The following SUPT16H variants were observed in gnomAD, a reference collection of about 807,000 sequenced individuals.
SUPT16H encodes the protein SPT16 homolog, facilitates chromatin remodeling subunit.
Under a neutral mutation model 136.2 loss-of-function variants are expected in SUPT16H, and 24 were observed. The observed-to-expected ratio is 0.18, with a 90% confidence interval of 0.13 to 0.25. SUPT16H has a LOEUF of 0.25. Ranked by LOEUF, SUPT16H falls within the 10% of genes least tolerant of loss-of-function variation. The probability of loss-of-function intolerance (pLI) is 1.00; values close to 1 mark genes in which losing one functional copy is unlikely to be tolerated. For missense variants in SUPT16H, 623 were observed against 1,270.2 expected (o/e 0.49, Z 7.74); for synonymous variants, 415 against 428.2 (o/e 0.97, Z 0.38).
chr14:21,383,727 T>A, intron 1 of SUPT16H, 135 bp downstream of exon 1: 1 of 990,866 alleles, frequency 1.0e-6, no homozygotes, highest in Non-Finnish European at 1.6e-6. Flanking sequence ...CGGTGAATGA[T>A]TCGGGAGCAA....
intron 19 of SUPT16H, 46 bp from the exon 20 acceptor site, chr14:21,358,473 A>G: frequency 2.2e-6 from 3 of 1,374,190 alleles, no homozygotes; most frequent in Non-Finnish European, 3.1e-6. Context: ...ATTTGTTAAC[A>G]GTACCTCCCC....
chr14:21,354,052 T>G (rs990048177), intron 23 of SUPT16H, among the ~76,000 whole-genome samples: 1 of 152,248 alleles, frequency 6.6e-6, no homozygotes, highest in East Asian at 1.9e-4. Context: ...AAAATTCACG[T>G]TAGCCTTCCT....
intron 1 of SUPT16H, among the ~76,000 whole-genome samples, chr14:21,382,367 G>C (rs576847367): frequency 6.6e-6 from 1 of 152,300 alleles, no homozygotes; most frequent in East Asian, 1.9e-4. Flanking sequence ...TGGTGGGTGG[G>C]AAATAACTTT....
intron 1 of SUPT16H, among the ~76,000 whole-genome samples, chr14:21,380,229 A>G (rs1320717266): frequency 6.6e-6 from 1 of 150,954 alleles, no homozygotes; most frequent in Non-Finnish European, 1.5e-5. Context: ...AGACTTGAGC[A>G]TCCTTTGATT....
At chr14:21,352,910 T>C (rs1440055335) in intron 25 of SUPT16H, 92 bp from the exon 26 acceptor site, 2 of 1,542,010 alleles carry the variant, frequency 1.3e-6, no homozygotes, top group Admixed American at 1.8e-5. Flanking sequence ...GAATACACTT[T>C]GGAATCAGAC....
Position 21,373,036 on chromosome 14 carries a change from T to C in SUPT16H, c.159+302A>G, listed in dbSNP as rs569445003. On this transcript the variant is annotated intron_variant, in intron 2 of 25. Transcript: ENST00000216297. The stretch of plus-strand genomic sequence containing the variant: ...TTGGCTTACTGCAACCTCTACCTCC[T>C]GGGGTCATGCCATCCTCCCATCTCA... Among the ~76,000 whole-genome samples, 4 of 152,258 alleles carry C rather than the reference T, an allele frequency of 2.6e-5. No homozygotes were observed. In the South Asian group the frequency reaches 8.3e-4, roughly 32 times the overall value.
chr14:21,362,223 G>A lies in SUPT16H; in HGVS notation c.1767C>T (p.Asn589=), dbSNP rs1407966985. The A allele has an allele frequency of 1.2e-6, 2 of 1,612,326 alleles. No individual in the cohort carries two copies. Among genetic ancestry groups the A allele is most frequent in the Non-Finnish European group, 1.7e-6 (2 of 1,179,900 alleles). Residue 589 remains asparagine, a synonymous_variant, in exon 15 of 26, where the codon AAC becomes AAT. Coordinates refer to ENST00000216297, the MANE Select transcript of SUPT16H (RefSeq NM_007192.4). The part of the protein sequence containing the change: ...LGRNEGNIFP[N]PEATFVKEIT... ...TTTCCTTGACAAAAGTCGCTTCAGG[G>A]TTAGGAAAGATGTTGCCTTCATTCC...
chr14:21,364,889 C>T lies in SUPT16H; in HGVS notation c.1171G>A (p.Gly391Arg), dbSNP rs747270908. 6.2e-7 allele frequency: 1 copy of T among 1,613,528 alleles called. No individual in the cohort carries two copies. Among genetic ancestry groups the T allele is most frequent in the Admixed American group, 1.7e-5 (1 of 60,020 alleles). ...LGFSDLTNKE[G>R]KKPEEKTYAL... is the part of the protein sequence containing the mutation. ...TAGGTTTTCTCTTCTGGCTTTTTCC[C>T]CTCCTTGTTAGTCAGGTCTGAGAAT... Residue 391 changes from glycine (G) to arginine (R), a missense_variant, in exon 10 of 26, where the codon GGG (glycine) becomes AGG (arginine). By Grantham distance (125) the Gly-to-Arg change is moderately radical. Around this residue, in one of 7 missense-constraint regions of SUPT16H, gnomAD observed 343 missense variants for 525.7 expected, o/e 0.65. Coordinates refer to ENST00000216297, the MANE Select transcript of SUPT16H (RefSeq NM_007192.4).
chr14:21,352,955 C>G (rs1368501425), intron 25 of SUPT16H, 137 bp from the exon 26 acceptor site: 12 of 1,181,694 alleles, frequency 1.0e-5, no homozygotes, highest in Admixed American at 2.3e-5. Flanking sequence ...CTTTCTGAAC[C>G]TTGGTTTATT....
Position 21,352,500 on chromosome 14 carries a change from G to T in SUPT16H, c.*173C>A. Reference sequence around the variant, plus strand: ...AATGGGGCCATTGGCACGTGTCCTGGTGGGCCTGGAATTCCCCGAGTAGAT... The same window carrying T: ...AATGGGGCCATTGGCACGTGTCCTGTTGGGCCTGGAATTCCCCGAGTAGAT... On this transcript the variant is annotated 3_prime_UTR_variant, in exon 26 of 26. Transcript: ENST00000216297. 1 of 1,031,984 alleles carries T rather than the reference G, an allele frequency of 9.7e-7. No individual in the cohort carries two copies. Among genetic ancestry groups the T allele is most frequent in the Non-Finnish European group, 1.4e-6 (1 of 708,106 alleles). The allele number at this position is 1,031,984 out of a possible 1,614,324, so 63.9% of individuals were successfully genotyped here.
Position 21,352,517 on chromosome 14 carries a change from C to T in SUPT16H, c.*156G>A, listed in dbSNP as rs1239313346. 4 of 1,219,724 alleles carry T rather than the reference C, an allele frequency of 3.3e-6. No homozygotes were observed. Among genetic ancestry groups the T allele is most frequent in the Non-Finnish European group, 3.4e-6 (3 of 875,470 alleles). The allele number at this position is 1,219,724 out of a possible 1,614,324, so 75.6% of individuals were successfully genotyped here. Reference sequence around the variant, plus strand: ...GTGTCCTGGTGGGCCTGGAATTCCCCGAGTAGATTGGTCCACACAAATGGC... The same window carrying T: ...GTGTCCTGGTGGGCCTGGAATTCCCTGAGTAGATTGGTCCACACAAATGGC... On this transcript the variant is annotated 3_prime_UTR_variant, in exon 26 of 26. Transcript: ENST00000216297.
rs59639210 is a variant in SUPT16H at position 21,355,513 on chromosome 14, TAAAAAAA to T, written c.2661-980_2661-974del. ...GTCTCAAAAAAATATATAATAATAA[TAAAAAAA>T]AAAAAAAAAAAAAAAAGAAAGAAAC... On this transcript the variant is annotated intron_variant, in intron 22 of 25. Coordinates refer to ENST00000216297, the MANE Select transcript of SUPT16H (RefSeq NM_007192.4). Among the ~76,000 whole-genome samples, 5 of 113,610 alleles carry T rather than the reference TAAAAAAA, an allele frequency of 4.4e-5. No homozygotes were observed. The South Asian group carries it at 8.5e-4, about 19-fold the overall frequency. 74.5% of individuals were successfully genotyped at this position (113,610 alleles called of 152,430 possible). A position where few individuals can be genotyped will look rare whatever the true frequency, so the allele number is the denominator to read the frequency against.
chr14:21,364,086 C>T (rs146496605), intron 10 of SUPT16H, among the ~76,000 whole-genome samples: 1 of 152,324 alleles, frequency 6.6e-6, no homozygotes, highest in East Asian at 1.9e-4. Context: ...GTTACTTAAA[C>T]TTGTCTGTGC....
At chr14:21,359,633 C>T (rs1046018776) in intron 18 of SUPT16H, 24 bp from the exon 19 acceptor site, 6 of 1,609,292 alleles carry the variant, frequency 3.7e-6, no homozygotes, top group Non-Finnish European at 5.1e-6. Flanking sequence ...ACAGAAAGAA[C>T]ACAGAAGTCA....
intron 18 of SUPT16H, 90 bp from the exon 19 acceptor site, chr14:21,359,699 A>G: frequency 1.4e-6 from 2 of 1,472,676 alleles, no homozygotes; most frequent in Non-Finnish European, 1.8e-6. Flanking sequence ...GGGCCTCCAC[A>G]GCATGCATGC....
At position 21,360,827 on chromosome 14, in the gene SUPT16H, C is replaced by A. The variant is rs369531297; in HGVS notation, c.2056+19G>T. The A allele has an allele frequency of 3.7e-6, 6 of 1,610,618 alleles. No individual in the cohort carries two copies. Among genetic ancestry groups the A allele is most frequent in the Non-Finnish European group, 5.1e-6 (6 of 1,178,786 alleles). ...GTGCCCTGAAGAGAAAGCCTAGGTA[C>A]AGGAGAGATCATCCATACCATTGAC... On this transcript the variant is annotated intron_variant, in intron 17 of 25. Transcript: ENST00000216297.
At position 21,371,917 on chromosome 14, in the gene SUPT16H, T is replaced by A; in HGVS notation, c.287A>T (p.Asn96Ile). The A allele has an allele frequency of 1.9e-6, 3 of 1,614,160 alleles. No homozygotes were observed. Among genetic ancestry groups the A allele is most frequent in the Non-Finnish European group, 2.5e-6 (3 of 1,180,024 alleles). The change falls in exon 3 of 26, where the codon AAT becomes ATT. Residue 96 changes from asparagine to isoleucine, a missense_variant. Coordinates refer to ENST00000216297, the MANE Select transcript of SUPT16H (RefSeq NM_007192.4). ...TGTGATGGCAGGGGCTCCATTAGCA[T>A]TCTCATTGCCCTTAGTGTTGGCAAT... is the stretch of plus-strand genomic sequence containing the variant. ...KQIANTKGNE[N>I]ANGAPAITLL...
At chr14:21,357,060 C>T in intron 22 of SUPT16H, 137 bp downstream of exon 22, 2 of 845,206 alleles carry the variant, frequency 2.4e-6, no homozygotes, top group Non-Finnish European at 3.3e-6. Flanking sequence ...CTCAAGTTTT[C>T]AAGTCCTGGT....
rs1300055697 is a variant in SUPT16H at position 21,361,066 on chromosome 14, G to A, written c.1929+12C>T. ...CTTTGTGTAAGAATGTTTTGCCTGT[G>A]TTCAGGCTCACCTCCTTCTCTTTCT... On this transcript the variant is annotated intron_variant, in intron 16 of 25. Transcript: ENST00000216297. The A allele has an allele frequency of 6.2e-7, 1 of 1,613,412 alleles. No individual in the cohort carries two copies. Among genetic ancestry groups the A allele is most frequent in the Admixed American group, 1.7e-5 (1 of 59,790 alleles).
Sources: allele counts gnomAD v4.1 joint callset (sites outside exome capture counted in the v4.1 genomes callset), GRCh38; gene constraint gnomAD v4.1.1; regional missense constraint gnomAD v4.1.1; transcripts MANE v1.5; gene names NCBI Gene and HGNC (gene_info 2026-07-23, HGNC 2026-07-21).